Variants in RMDN2 observed in about 807,000 individuals in gnomAD.
RMDN2 encodes regulator of microtubule dynamics protein 2.
A neutral mutation model predicts 52.8 loss-of-function variants in RMDN2; 61 were observed. The observed-to-expected ratio is 1.16, with a 90% CI of 0.94 to 1.43. The LOEUF is 1.43. Among genes scored for constraint, RMDN2 ranks in the 40% most tolerant of loss-of-function variants. The pLI, the probability that RMDN2 is intolerant of heterozygous loss-of-function variation, is 0.00. For synonymous variants in RMDN2, 180 were observed against 153.1 expected, an observed-to-expected ratio of 1.18 and a Z score of -1.30; for missense variants, 592 against 475.3, an observed-to-expected ratio of 1.25 and a Z score of -2.28.
chr2:37,936,761 T>C (rs1281741719), intron 2 of RMDN2, among the ~76,000 whole-genome samples: 1 of 152,232 alleles, frequency 6.6e-6, no homozygotes, highest in Non-Finnish European at 1.5e-5. Flanking sequence ...TCTTGTAAAT[T>C]TGTTTAAGTT....
At chr2:37,960,946 T>A (rs1670143192) in intron 2 of RMDN2, among the ~76,000 whole-genome samples, 1 of 152,230 alleles carries the variant, frequency 6.6e-6, no homozygotes, top group Non-Finnish European at 1.5e-5. Flanking sequence ...CCTTCGCTTA[T>A]GAAGCTTAGT....
At chr2:37,950,456 T>C in intron 2 of RMDN2, 1 of 1,610,626 alleles carries the variant, frequency 6.2e-7, no homozygotes, top group Admixed American at 1.7e-5. Context: ...TATTGCCATG[T>C]TAACTCCACA....
chr2:37,993,207 G>C (rs1416572956), intron 7 of RMDN2, among the ~76,000 whole-genome samples: 1 of 152,150 alleles, frequency 6.6e-6, no homozygotes. Context: ...TTACAGGCAT[G>C]AACCACCGCA....
At chr2:38,066,870 C>T (rs532554880) in intron 10 of RMDN2, 3 of 943,358 alleles carry the variant, frequency 3.2e-6, no homozygotes, top group South Asian at 2.8e-5. Context: ...TGAGTATTCT[C>T]TTAAACCACT....
chr2:38,003,509 C>T (rs771310404), intron 8 of RMDN2, among the ~76,000 whole-genome samples: 8 of 151,442 alleles, frequency 5.3e-5, no homozygotes, highest in East Asian at 1.9e-4. Flanking sequence ...GCTGAGATCG[C>T]GCCACTGCAC....
intron 10 of RMDN2, among the ~76,000 whole-genome samples, chr2:38,049,506 C>G (rs190310597): frequency 4.8e-4 from 73 of 152,320 alleles, no homozygotes; most frequent in African/African-American, 1.7e-3. Flanking sequence ...ACACATTTCT[C>G]TCAAACACTA....
At chr2:37,985,612 C>T (rs982946358) in intron 5 of RMDN2, among the ~76,000 whole-genome samples, 3 of 151,980 alleles carry the variant, frequency 2.0e-5, no homozygotes, top group African/African-American at 7.3e-5. Context: ...GTATCTTGGT[C>T]CCCAGTGTGT....
chr2:37,994,281 G>A (rs191364236), intron 7 of RMDN2, among the ~76,000 whole-genome samples: 17 of 152,238 alleles, frequency 1.1e-4, no homozygotes, highest in Admixed American at 4.6e-4. Context: ...AATTGGCATC[G>A]GATAGATGAG....
chr2:37,965,501 C>T (rs1299446632), intron 2 of RMDN2, among the ~76,000 whole-genome samples: 2 of 151,954 alleles, frequency 1.3e-5, no homozygotes, highest in African/African-American at 4.8e-5. Context: ...AATTCTACTC[C>T]TTTCCAGCTC....
At chr2:37,959,744 G>C (rs1254559785) in intron 2 of RMDN2, among the ~76,000 whole-genome samples, 3 of 150,588 alleles carry the variant, frequency 2.0e-5, no homozygotes, top group African/African-American at 7.5e-5. Context: ...GTGATGTTAG[G>C]GTGTCAATTT....
intron 6 of RMDN2, 51 bp downstream of exon 6, chr2:37,989,667 G>C (rs1260868776): frequency 3.4e-6 from 4 of 1,182,202 alleles, no homozygotes; most frequent in East Asian, 2.3e-5. Context: ...ACATATGGAA[G>C]GGTATTTATT....
At chr2:37,948,002 G>A (rs897891690) in intron 2 of RMDN2, among the ~76,000 whole-genome samples, 2 of 152,152 alleles carry the variant, frequency 1.3e-5, no homozygotes, top group African/African-American at 4.8e-5. Context: ...CTCCAGCTTA[G>A]ATAGGCAGCT....
intron 10 of RMDN2, among the ~76,000 whole-genome samples, chr2:38,051,790 G>A (rs556010508): frequency 1.3e-5 from 2 of 152,014 alleles, no homozygotes; most frequent in Non-Finnish European, 2.9e-5. Context: ...GTCTTTCTGT[G>A]CCTGACTGAT....
chr2:37,989,986 A>G (rs923113412), intron 6 of RMDN2, among the ~76,000 whole-genome samples: 2 of 151,846 alleles, frequency 1.3e-5, no homozygotes, highest in Non-Finnish European at 2.9e-5. Flanking sequence ...TACTAAAAAT[A>G]CACACACACA....
At chr2:37,996,516 C>T (rs566932282) in intron 7 of RMDN2, among the ~76,000 whole-genome samples, 28 of 146,170 alleles carry the variant, frequency 1.9e-4, no homozygotes, top group Non-Finnish European at 3.7e-4. Context: ...CCCAGGAGGT[C>T]GAGGCTGCAG....
chr2:38,006,618 A>G (rs1044951848), intron 10 of RMDN2, among the ~76,000 whole-genome samples: 3 of 151,910 alleles, frequency 2.0e-5, no homozygotes, highest in Admixed American at 6.6e-5. Context: ...AGATGATGGG[A>G]TTTTCTAGAT....
At chr2:37,994,875 TC>T (rs1440619971) in intron 7 of RMDN2, among the ~76,000 whole-genome samples, 5 of 152,182 alleles carry the variant, frequency 3.3e-5, no homozygotes, top group African/African-American at 1.2e-4. Context: ...CATGCATGAC[TC>T]TTCAAAGCAT....
intron 10 of RMDN2, among the ~76,000 whole-genome samples, chr2:38,048,157 G>A (rs1336219264): frequency 6.6e-6 from 1 of 152,208 alleles, no homozygotes; most frequent in African/African-American, 2.4e-5. Context: ...TATATAGGAG[G>A]CAGTAAAATT....
At chr2:38,007,213 G>A (rs1677234170) in intron 10 of RMDN2, among the ~76,000 whole-genome samples, 1 of 152,106 alleles carries the variant, frequency 6.6e-6, no homozygotes, top group African/African-American at 2.4e-5. Flanking sequence ...GATGATGCTG[G>A]CCTCATAAAA....
Sources: allele counts gnomAD v4.1 joint callset (sites outside exome capture counted in the v4.1 genomes callset), GRCh38; gene constraint gnomAD v4.1.1; transcripts MANE v1.5; gene names NCBI Gene and HGNC (gene_info 2026-07-23, HGNC 2026-07-21).